Variants in SLC6A3 observed in about 807,000 individuals in gnomAD.
The protein encoded by SLC6A3 is sodium-dependent dopamine transporter.
In SLC6A3, 19 loss-of-function variants were observed where a neutral mutation model predicts 70.4. That is an observed-to-expected ratio of 0.27 (90% CI 0.19 to 0.40). The LOEUF is 0.40. Ranked by LOEUF, SLC6A3 falls within the 10% of genes least tolerant of loss-of-function variation. The pLI, the probability that SLC6A3 is intolerant of heterozygous loss-of-function variation, is 1.00. For missense variants in SLC6A3, 613 were observed against 838.5 expected, an observed-to-expected ratio of 0.73 and a Z score of 3.32; for synonymous variants, 368 against 356.6, an observed-to-expected ratio of 1.03 and a Z score of -0.36.
intron 3 of SLC6A3, among the ~76,000 whole-genome samples, chr5:1,439,299 C>T (rs1337729842): frequency 1.6e-5 from 2 of 123,968 alleles, no homozygotes; most frequent in African/African-American, 6.5e-5. Context: ...GCATCTGTCT[C>T]TCACTCTGAA....
chr5:1,414,259 T>A (rs1276233006), intron 8 of SLC6A3, among the ~76,000 whole-genome samples: 1 of 150,146 alleles, frequency 6.7e-6, no homozygotes, highest in Non-Finnish European at 1.5e-5. Context: ...CAGACCCTGG[T>A]GGGGCAGCCT....
In SLC6A3 at chr5:1,413,954, C is replaced by A. The variant is rs933111917; in HGVS notation, c.1156+737G>T. Among the ~76,000 whole-genome samples the A allele has an allele frequency of 2.6e-5, 4 of 152,214 alleles. No homozygotes were observed. Among genetic ancestry groups the A allele is most frequent in the African/African-American group, 7.2e-5 (3 of 41,458 alleles). On this transcript the variant is annotated intron_variant, in intron 8 of 14. Coordinates refer to ENST00000270349, the MANE Select transcript of SLC6A3 (RefSeq NM_001044.5). This position sits in a 1 kb window ranked among gnomAD's most constrained non-coding sequence, Gnocchi z 7.1. ...TCTTGCTGTGGCCAAGGCCTCCCCC[C>A]ACCACTCACCTGTGCCTGCCCGAGA...
At chr5:1,400,818 C>A in intron 14 of SLC6A3, 97 bp downstream of exon 14, 1 of 913,288 alleles carries the variant, frequency 1.1e-6, no homozygotes, top group South Asian at 1.4e-5. Context: ...TGAGCACCAT[C>A]TACACCAGCC....
In SLC6A3 at chr5:1,394,031, GGC is replaced by G. The variant is rs1755650610; in HGVS notation, c.*702_*703del. On this transcript the variant is annotated 3_prime_UTR_variant, in exon 15 of 15. Transcript: ENST00000270349. The surrounding 1 kb of genome is among the most constrained non-coding windows in gnomAD (Gnocchi z 4.7). ...GCAAGGACCCACAGGCTGCCTGAGTGGCAGTAGCCTGAGCTGGTTTCAAGGAG... is the reference window on the plus strand; with the variant it reads ...GCAAGGACCCACAGGCTGCCTGAGTGAGTAGCCTGAGCTGGTTTCAAGGAG... 1.9e-5 allele frequency: 3 copies of G among 156,148 alleles called. No individual in the cohort carries two copies. Among genetic ancestry groups the G allele is most frequent in the African/African-American group, 7.2e-5 (3 of 41,522 alleles). 9.7% of individuals were successfully genotyped at this position (156,148 alleles called of 1,614,324 possible).
chr5:1,435,049 C>T (rs1756796858), intron 3 of SLC6A3, among the ~76,000 whole-genome samples: 1 of 152,202 alleles, frequency 6.6e-6, no homozygotes, highest in Non-Finnish European at 1.5e-5. Context: ...CATGGATTGC[C>T]TTTGAAAAGC....
chr5:1,395,716 C>T (rs1197008262), intron 14 of SLC6A3, among the ~76,000 whole-genome samples: 1 of 152,146 alleles, frequency 6.6e-6, no homozygotes, highest in African/African-American at 2.4e-5. Context: ...GGCCAGAGCC[C>T]TAGAGCAGAG....
chr5:1,409,945 G>T lies in SLC6A3; in HGVS notation c.1270-96C>A, dbSNP rs28363105. ...TTGTCACCCAGTGGACGCACACCCG[G>T]GGATGGACACGGAACAGGGGCCACA... On this transcript the variant is annotated intron_variant, in intron 9 of 14. Coordinates refer to ENST00000270349, the MANE Select transcript of SLC6A3 (RefSeq NM_001044.5). 968 of 1,511,116 alleles carry T rather than the reference G, an allele frequency of 6.4e-4. 6 individuals carry two copies. The East Asian group carries it at 0.018, about 28-fold the overall frequency. 93.6% of individuals were successfully genotyped at this position (1,511,116 alleles called of 1,614,324 possible). A position where few individuals can be genotyped will look rare whatever the true frequency, so the allele number is the denominator to read the frequency against.
At chr5:1,439,188 T>C (rs967344274) in intron 3 of SLC6A3, among the ~76,000 whole-genome samples, 1 of 152,198 alleles carries the variant, frequency 6.6e-6, no homozygotes, top group East Asian at 1.9e-4. Context: ...ATCAGGGACC[T>C]GACGACGGGG....
At position 1,404,669 on chromosome 5, in the gene SLC6A3, G is replaced by T. The variant is rs1755929256; in HGVS notation, c.1599+1519C>A. 6.6e-6 allele frequency among the ~76,000 whole-genome samples: 1 copy of T among 152,244 alleles called. No homozygotes were observed. The highest frequency in any genetic ancestry group is 2.1e-4 in the South Asian group (1 of 4,832). ...GACTATGCCGCAGCCTGAAGAAACAGATGATAACACAGACGTTATGTTTCT... is the reference window on the plus strand; with the variant it reads ...GACTATGCCGCAGCCTGAAGAAACATATGATAACACAGACGTTATGTTTCT... On this transcript the variant is annotated intron_variant, in intron 12 of 14. Coordinates refer to ENST00000270349, the MANE Select transcript of SLC6A3 (RefSeq NM_001044.5). The surrounding 1 kb of genome is among the most constrained non-coding windows in gnomAD (Gnocchi z 5.2).
At position 1,415,549 on chromosome 5, in the gene SLC6A3, C is replaced by T. The variant is rs565832081; in HGVS notation, c.1031+549G>A. 1.2e-4 allele frequency among the ~76,000 whole-genome samples: 18 copies of T among 152,328 alleles called. No homozygotes were observed. The South Asian group carries it at 3.7e-3, about 32-fold the overall frequency. ...CTTGTATTTTTACCGTGTTTCTAGC[C>T]TCATGATGTGAAAGAAAGTAAGCAC... is the stretch of plus-strand genomic sequence containing the variant. On this transcript the variant is annotated intron_variant, in intron 7 of 14. Coordinates refer to ENST00000270349, the MANE Select transcript of SLC6A3 (RefSeq NM_001044.5).
intron 9 of SLC6A3, among the ~76,000 whole-genome samples, chr5:1,410,258 C>T (rs1170892183): frequency 2.0e-5 from 3 of 152,180 alleles, no homozygotes; most frequent in African/African-American, 4.8e-5. Flanking sequence ...TACGCCTTCC[C>T]GACGGAGCCT....
rs763826572 is a variant in SLC6A3 at position 1,442,886 on chromosome 5, C to A, written c.286+26G>T. 1 of 1,613,896 alleles carries A rather than the reference C, an allele frequency of 6.2e-7. No individual in the cohort carries two copies. The highest frequency in any genetic ancestry group is 1.7e-5 in the Admixed American group (1 of 60,032). On this transcript the variant is annotated intron_variant, in intron 2 of 14. Coordinates refer to ENST00000270349, the MANE Select transcript of SLC6A3 (RefSeq NM_001044.5). The surrounding 1 kb of genome is among the most constrained non-coding windows in gnomAD (Gnocchi z 5.0). ...CTACGACCCCCGCCCGGCCAGCATG[C>A]TCAGGGAGGCTGAGATGGGACTTAC...
Position 1,397,422 on chromosome 5 carries a change from C to T in SLC6A3, c.1840-2664G>A, listed in dbSNP as rs1487140153. Among the ~76,000 whole-genome samples the T allele has an allele frequency of 6.6e-6, 1 of 151,916 alleles. No individual in the cohort carries two copies. The highest frequency in any genetic ancestry group is 1.5e-5 in the Non-Finnish European group (1 of 68,026). ...CTCCAGCCTGGGCTACAGAGCGAGA[C>T]TCCGTCTCAAAACAAACAAACAAAC... On this transcript the variant is annotated intron_variant, in intron 14 of 14. Transcript: ENST00000270349. The surrounding 1 kb of genome is among the most constrained non-coding windows in gnomAD (Gnocchi z 4.7).
At chr5:1,416,764 G>A (rs529997026) in intron 6 of SLC6A3, among the ~76,000 whole-genome samples, 2 of 148,344 alleles carry the variant, frequency 1.3e-5, no homozygotes, top group South Asian at 2.1e-4. Flanking sequence ...TGACCGCAGC[G>A]TCCTAATAGC....
At position 1,406,175 on chromosome 5, in the gene SLC6A3, C is replaced by G; in HGVS notation, c.1599+13G>C. 3 of 1,600,352 alleles carry G rather than the reference C, an allele frequency of 1.9e-6. No homozygotes were observed. Among genetic ancestry groups the G allele is most frequent in the Admixed American group, 1.7e-5 (1 of 60,006 alleles). On this transcript the variant is annotated intron_variant, in intron 12 of 14. Transcript: ENST00000270349. This position sits in a 1 kb window ranked among gnomAD's most constrained non-coding sequence, Gnocchi z 8.8. ...GCAGACGGGGGAAGGGCAGGTGGCCCGAGGTCCCTTACCAGGAGAAAGCAG... is the reference window on the plus strand; with the variant it reads ...GCAGACGGGGGAAGGGCAGGTGGCCGGAGGTCCCTTACCAGGAGAAAGCAG...
rs1216053473 is a variant in SLC6A3 at position 1,438,251 on chromosome 5, G to A, written c.418+3108C>T. The stretch of plus-strand genomic sequence containing the variant: ...AACAAGCTCTTCCAAAGATCCGCCC[G>A]CAGGGCCACGAGCCTTCCTTCCTGC... On this transcript the variant is annotated intron_variant, in intron 3 of 14. Coordinates refer to ENST00000270349, the MANE Select transcript of SLC6A3 (RefSeq NM_001044.5). The surrounding 1 kb of genome is among the most constrained non-coding windows in gnomAD (Gnocchi z 6.5). Among the ~76,000 whole-genome samples the A allele has an allele frequency of 2.0e-5, 3 of 152,218 alleles. No homozygotes were observed. The highest frequency in any genetic ancestry group is 4.1e-4 in the South Asian group (2 of 4,830).
rs1285048504 is a variant in SLC6A3, at chr5:1,442,809, G to T, written c.286+103C>A. 1.8e-5 allele frequency: 22 copies of T among 1,201,578 alleles called. No homozygotes were observed. Among genetic ancestry groups the T allele is most frequent in the Non-Finnish European group, 2.6e-5 (21 of 812,548 alleles). 74.4% of individuals were successfully genotyped at this position (1,201,578 alleles called of 1,614,324 possible). A position where few individuals can be genotyped will look rare whatever the true frequency, so the allele number is the denominator to read the frequency against. ...CTCTCACAGGGAGCTCCGTCTTCAC[G>T]CATGGGAACAGCTTCATCTCGTTTC... On this transcript the variant is annotated intron_variant, in intron 2 of 14. Coordinates refer to ENST00000270349, the MANE Select transcript of SLC6A3 (RefSeq NM_001044.5). The surrounding 1 kb of genome is among the most constrained non-coding windows in gnomAD (Gnocchi z 5.0).
At position 1,405,461 on chromosome 5, in the gene SLC6A3, G is replaced by T. The variant is rs1486004586; in HGVS notation, c.1599+727C>A. Among the ~76,000 whole-genome samples, 1 of 152,314 alleles carries T rather than the reference G, an allele frequency of 6.6e-6. No homozygotes were observed. Among genetic ancestry groups the T allele is most frequent in the Non-Finnish European group, 1.5e-5 (1 of 68,014 alleles). On this transcript the variant is annotated intron_variant, in intron 12 of 14. Coordinates refer to ENST00000270349, the MANE Select transcript of SLC6A3 (RefSeq NM_001044.5). This position sits in a 1 kb window ranked among gnomAD's most constrained non-coding sequence, Gnocchi z 5.3. The stretch of plus-strand genomic sequence containing the variant: ...CACCTCGTGCCTGCTGGACTCGGGA[G>T]GTGCTTCTCTACGTGAGCAGCTCAC...
intron 6 of SLC6A3, 131 bp downstream of exon 6, chr5:1,420,438 T>C (rs1436744429): frequency 9.9e-7 from 1 of 1,013,094 alleles, no homozygotes; most frequent in Non-Finnish European, 1.6e-6. Context: ...TACTTGGGAT[T>C]TGGCTTCCCG....
Sources: allele counts gnomAD v4.1 joint callset (sites outside exome capture counted in the v4.1 genomes callset), GRCh38; gene constraint gnomAD v4.1.1; non-coding constraint Gnocchi (gnomAD v3.1); transcripts MANE v1.5; gene names NCBI Gene and HGNC (gene_info 2026-07-23, HGNC 2026-07-21).